Variants in CWC27 observed in about 807,000 individuals in gnomAD.
The protein encoded by CWC27 is spliceosome-associated protein CWC27 homolog.
Under a neutral mutation model 63.6 loss-of-function variants are expected in CWC27, and 47 were observed. The observed-to-expected ratio is 0.74, with a 90% CI of 0.58 to 0.94. CWC27 has a LOEUF of 0.94. Ranked by LOEUF, CWC27 falls within the 40% of genes least tolerant of loss-of-function variation. The pLI, the probability that CWC27 is intolerant of heterozygous loss-of-function variation, is 0.00. For missense variants in CWC27, 495 were observed against 554.3 expected, an observed-to-expected ratio of 0.89 and a Z score of 1.07; for synonymous variants, 175 against 179.8, an observed-to-expected ratio of 0.97 and a Z score of 0.22.
intron 10 of CWC27, among the ~76,000 whole-genome samples, chr5:64,851,721 G>A (rs1011581288): frequency 2.0e-5 from 3 of 151,968 alleles, no homozygotes; most frequent in Non-Finnish European, 4.4e-5. Context: ...ATGTTTGAAA[G>A]GCATCAAACT....
chr5:64,885,047 A>G (rs548561898), intron 10 of CWC27, among the ~76,000 whole-genome samples: 6 of 152,276 alleles, frequency 3.9e-5, no homozygotes, highest in African/African-American at 1.2e-4. Flanking sequence ...CAGGAATTCA[A>G]CCATTTTTGA....
intron 11 of CWC27, among the ~76,000 whole-genome samples, chr5:64,965,729 T>C (rs1482206918): frequency 6.6e-6 from 1 of 152,188 alleles, no homozygotes; most frequent in Non-Finnish European, 1.5e-5. Flanking sequence ...AGTCTTTTCT[T>C]TGTCATTTTA....
chr5:64,867,839 C>T (rs1370460692), intron 10 of CWC27, among the ~76,000 whole-genome samples: 1 of 151,894 alleles, frequency 6.6e-6, no homozygotes, highest in Non-Finnish European at 1.5e-5. Flanking sequence ...ACACTAACAT[C>T]TTCTTTCCCA....
intron 10 of CWC27, chr5:64,884,343 A>G (rs1297707257): frequency 6.6e-6 from 1 of 152,158 alleles, no homozygotes; most frequent in Non-Finnish European, 1.5e-5. Flanking sequence ...GAGGCCAGGC[A>G]GATGCAAAAT....
At chr5:64,780,077 A>G (rs1011484818) in intron 2 of CWC27, among the ~76,000 whole-genome samples, 1 of 152,056 alleles carries the variant, frequency 6.6e-6, no homozygotes, top group Non-Finnish European at 1.5e-5. Flanking sequence ...TCCTCCACCC[A>G]CAGCCCCCAG....
intron 10 of CWC27, among the ~76,000 whole-genome samples, chr5:64,851,638 T>C (rs894714651): frequency 2.6e-5 from 4 of 152,188 alleles, no homozygotes; most frequent in African/African-American, 9.7e-5. Context: ...TCATAAATCA[T>C]AACATCACTT....
rs750859187 is a variant in CWC27, at chr5:64,789,066, G to A, written c.669+46G>A. The A allele has an allele frequency of 3.7e-6, 5 of 1,336,614 alleles. No homozygotes were observed. The South Asian group carries it at 5.2e-5, about 14-fold the overall frequency. 82.8% of individuals were successfully genotyped at this position (1,336,614 alleles called of 1,614,324 possible). ...TGTTCTAACTTACAAAAGAGATTGG[G>A]GTCTATATCTTACTCACTATTGTAT... On this transcript the variant is annotated intron_variant, in intron 7 of 13. Transcript: ENST00000381070.
intron 1 of CWC27, among the ~76,000 whole-genome samples, chr5:64,772,410 T>C (rs929924888): frequency 1.6e-4 from 23 of 146,062 alleles, no homozygotes; most frequent in African/African-American, 5.6e-4. Flanking sequence ...TTGCCTGAGG[T>C]CAGGAGTTCA....
chr5:64,960,999 G>A (rs1279806198), intron 11 of CWC27, among the ~76,000 whole-genome samples: 2 of 152,012 alleles, frequency 1.3e-5, no homozygotes, highest in Non-Finnish European at 2.9e-5. Flanking sequence ...AGACAACAGA[G>A]GGTATAAGTA....
chr5:64,777,739 A>C (rs746185926), intron 2 of CWC27, among the ~76,000 whole-genome samples: 7 of 152,170 alleles, frequency 4.6e-5, no homozygotes, highest in Non-Finnish European at 1.0e-4. Context: ...ATGATGCATA[A>C]AAATTTAAGA....
chr5:64,984,611 T>C (rs995601688), intron 13 of CWC27, among the ~76,000 whole-genome samples: 3 of 152,260 alleles, frequency 2.0e-5, no homozygotes, highest in Non-Finnish European at 2.9e-5. Flanking sequence ...TTGGATGAAA[T>C]GTCTGTTCAA....
intron 10 of CWC27, among the ~76,000 whole-genome samples, chr5:64,847,790 A>T (rs1346133856): frequency 6.6e-6 from 1 of 152,220 alleles, no homozygotes; most frequent in African/African-American, 2.4e-5. Context: ...TGGGTCAATG[A>T]AGAAATTAAA....
At chr5:64,890,381 C>T (rs1471475460) in intron 11 of CWC27, among the ~76,000 whole-genome samples, 1 of 152,110 alleles carries the variant, frequency 6.6e-6, no homozygotes, top group African/African-American at 2.4e-5. Flanking sequence ...TACTTTTCAT[C>T]TGGGTAATAT....
chr5:64,877,423 G>C lies in CWC27; in HGVS notation c.939-8020G>C, dbSNP rs142360979. Among the ~76,000 whole-genome samples the C allele has an allele frequency of 2.8e-3, 425 of 152,030 alleles. 1 individual carries two copies. The highest frequency in any genetic ancestry group is 4.1e-3 in the Non-Finnish European group (280 of 67,848). Reference sequence around the variant, plus strand: ...CAGAGGCATCTGGGTTTGTGTGTTGGGGGGGATGAAGAGAGATTGGGTAAT... The same window carrying C: ...CAGAGGCATCTGGGTTTGTGTGTTGCGGGGGATGAAGAGAGATTGGGTAAT... On this transcript the variant is annotated intron_variant, in intron 10 of 13. Transcript: ENST00000381070.
intron 11 of CWC27, among the ~76,000 whole-genome samples, chr5:64,886,453 T>TATTTTCTTC (rs1373227018): frequency 6.6e-6 from 1 of 152,130 alleles, no homozygotes; most frequent in East Asian, 1.9e-4. Flanking sequence ...ATATATTCTA[T>TATTTTCTTC]ATTTTTATGC....
chr5:64,946,885 A>G (rs1748601291), intron 11 of CWC27, among the ~76,000 whole-genome samples: 1 of 152,084 alleles, frequency 6.6e-6, no homozygotes. Context: ...CTAATGGTTA[A>G]TCTGCCTGAT....
intron 10 of CWC27, among the ~76,000 whole-genome samples, chr5:64,876,079 G>A (rs987239859): frequency 6.6e-6 from 1 of 152,074 alleles, no homozygotes; most frequent in Non-Finnish European, 1.5e-5. Flanking sequence ...CGAACACAGA[G>A]TGGAGTTTTA....
intron 11 of CWC27, among the ~76,000 whole-genome samples, chr5:64,965,954 G>C (rs1036551997): frequency 2.0e-5 from 3 of 152,086 alleles, no homozygotes; most frequent in Non-Finnish European, 4.4e-5. Flanking sequence ...TTTGAACTAC[G>C]TGCCTGTGTT....
intron 11 of CWC27, among the ~76,000 whole-genome samples, chr5:64,901,713 T>C (rs1016853150): frequency 6.6e-6 from 1 of 152,196 alleles, no homozygotes; most frequent in Non-Finnish European, 1.5e-5. Flanking sequence ...CTTTATGAAC[T>C]TTTTAATTTT....
Sources: allele counts gnomAD v4.1 joint callset (sites outside exome capture counted in the v4.1 genomes callset), GRCh38; gene constraint gnomAD v4.1.1; transcripts MANE v1.5; gene names NCBI Gene and HGNC (gene_info 2026-07-23, HGNC 2026-07-21).